The following TMEM272 variants were observed in gnomAD, a reference collection of about 807,000 sequenced individuals.
The protein encoded by TMEM272 is long intergenic non-protein coding RNA 282.
A neutral mutation model predicts 3.7 loss-of-function variants in TMEM272; 8 were observed. The ratio of observed to expected loss-of-function variants is 2.17; its 90% CI spans 1.27 to 3.91. The LOEUF is 3.91. TMEM272 is among the 30% of genes most tolerant of loss of function. The probability of loss-of-function intolerance (pLI) is 0.00; values close to 1 mark genes in which losing one functional copy is unlikely to be tolerated. For synonymous variants in TMEM272, 63 were observed against 39.8 expected (o/e 1.58, Z -2.20); for missense variants, 166 against 91.5 (o/e 1.81, Z -3.32).
chr13:51,834,072 A>T (rs1956195222), intron 2 of TMEM272, among the ~76,000 whole-genome samples: 1 of 152,178 alleles, frequency 6.6e-6, no homozygotes, highest in Non-Finnish European at 1.5e-5. Context: ...CGACATCTCA[A>T]GCTTGACACC....
At chr13:51,879,362 T>TC in the TMEM272 span, among the ~76,000 whole-genome samples, 3 of 151,230 alleles carry the variant, frequency 2.0e-5, no homozygotes, top group East Asian at 5.9e-4. Context: ...CATGTTCCTT[T>TC]TCTTGAAAGC....
chr13:51,912,349 A>C, the TMEM272 span, among the ~76,000 whole-genome samples: 4 of 152,090 alleles, frequency 2.6e-5, no homozygotes, highest in Non-Finnish European at 5.9e-5. Context: ...GCTGTTCTGC[A>C]AACAGCCTTC....
chr13:51,858,704 C>T, the TMEM272 span, among the ~76,000 whole-genome samples: 1 of 152,076 alleles, frequency 6.6e-6, no homozygotes, highest in Non-Finnish European at 1.5e-5. Flanking sequence ...TGTGGACACA[C>T]AGAAGGGTAA....
At chr13:51,841,968 A>C (rs1956267346) in intron 1 of TMEM272, among the ~76,000 whole-genome samples, 1 of 152,250 alleles carries the variant, frequency 6.6e-6, no homozygotes, top group Non-Finnish European at 1.5e-5. Flanking sequence ...TCCCAGGTAC[A>C]GTCTCAAATG....
At chr13:51,831,001 G>C (rs985377348) in intron 2 of TMEM272, among the ~76,000 whole-genome samples, 6 of 152,092 alleles carry the variant, frequency 3.9e-5, no homozygotes, top group African/African-American at 1.2e-4. Context: ...GCTCACTCTT[G>C]CTCGAAGTCT....
At chr13:51,933,964 A>T in the TMEM272 span, 1 of 152,350 alleles carries the variant, frequency 6.6e-6, no homozygotes, top group Non-Finnish European at 1.5e-5. Context: ...GCTGGTCAGC[A>T]ACAACACTCT....
the TMEM272 span, among the ~76,000 whole-genome samples, chr13:51,924,007 T>G: frequency 6.6e-6 from 1 of 152,044 alleles, no homozygotes; most frequent in African/African-American, 2.4e-5. Context: ...ATAATAAGCA[T>G]CAGGCACCCT....
At chr13:51,849,095 T>C (rs117232056), upstream of TMEM272, among the ~76,000 whole-genome samples, 13 of 152,304 alleles carry the variant, frequency 8.5e-5, no homozygotes, top group East Asian at 1.7e-3. Context: ...TTTCCCAGCA[T>C]TTTAATTTTC....
the TMEM272 span, among the ~76,000 whole-genome samples, chr13:51,913,431 A>T: frequency 3.9e-5 from 6 of 152,194 alleles, no homozygotes; most frequent in African/African-American, 1.2e-4. Context: ...TCTTGGAATG[A>T]CTGTAATTAT....
chr13:51,921,913 T>C, the TMEM272 span, among the ~76,000 whole-genome samples: 458 of 152,130 alleles, frequency 3.0e-3, 4 homozygotes, highest in African/African-American at 0.011. Context: ...ACTGTGTGCG[T>C]GTGTGTGTGT....
At chr13:51,880,341 C>G in the TMEM272 span, among the ~76,000 whole-genome samples, 1 of 150,710 alleles carries the variant, frequency 6.6e-6, no homozygotes, top group Non-Finnish European at 1.5e-5. Flanking sequence ...GACTGAGGAT[C>G]TATTGAAATA....
At chr13:51,892,068 G>A in the TMEM272 span, among the ~76,000 whole-genome samples, 1 of 152,162 alleles carries the variant, frequency 6.6e-6, no homozygotes, top group Non-Finnish European at 1.5e-5. Flanking sequence ...CCCAGATGTG[G>A]AAGAGGTGGG....
At chr13:51,883,729 G>T in the TMEM272 span, among the ~76,000 whole-genome samples, 1 of 152,218 alleles carries the variant, frequency 6.6e-6, no homozygotes, top group African/African-American at 2.4e-5. Flanking sequence ...GGTTTCACCA[G>T]GGACTCATCC....
At chr13:51,925,180 C>T in the TMEM272 span, among the ~76,000 whole-genome samples, 1 of 152,200 alleles carries the variant, frequency 6.6e-6, no homozygotes, top group African/African-American at 2.4e-5. Context: ...CCACTGCCTT[C>T]GTCTAGGCAC....
At chr13:51,873,057 G>C in the TMEM272 span, among the ~76,000 whole-genome samples, 1 of 152,198 alleles carries the variant, frequency 6.6e-6, no homozygotes, top group Non-Finnish European at 1.5e-5. Flanking sequence ...CCCAGGCCCA[G>C]GCAGAACCCC....
the TMEM272 span, among the ~76,000 whole-genome samples, chr13:51,915,585 T>C: frequency 2.6e-5 from 4 of 152,316 alleles, no homozygotes; most frequent in Middle Eastern, 0.01. Flanking sequence ...TTCCTCTACA[T>C]ATACGCAGAG....
intron 3 of TMEM272, among the ~76,000 whole-genome samples, chr13:51,823,284 G>A (rs1956095520): frequency 6.6e-6 from 1 of 152,186 alleles, no homozygotes; most frequent in South Asian, 2.1e-4. Context: ...TCACTATGTT[G>A]CCCAGCTTGT....
chr13:51,907,913 GAC>G, the TMEM272 span, among the ~76,000 whole-genome samples: 2 of 152,124 alleles, frequency 1.3e-5, no homozygotes, highest in Non-Finnish European at 2.9e-5. Context: ...TAAGGACAAA[GAC>G]TTTAGAATTT....
At chr13:51,831,176 T>C (rs1168159753) in intron 2 of TMEM272, among the ~76,000 whole-genome samples, 1 of 152,140 alleles carries the variant, frequency 6.6e-6, no homozygotes, top group South Asian at 2.1e-4. Context: ...ATTTCCGGCA[T>C]TTTGGAAGGC....
Sources: allele counts gnomAD v4.1 joint callset (sites outside exome capture counted in the v4.1 genomes callset), GRCh38; gene constraint gnomAD v4.1.1; transcripts MANE v1.5; gene names NCBI Gene and HGNC (gene_info 2026-07-23, HGNC 2026-07-21).